MEGF10: variants seen among roughly 807,000 people sequenced by gnomAD.
MEGF10 encodes the protein multiple EGF like domains 10.
A neutral mutation model predicts 147.5 loss-of-function variants in MEGF10; 86 were observed. The ratio of observed to expected loss-of-function variants is 0.58; its 90% CI spans 0.49 to 0.70. MEGF10 has a LOEUF of 0.70. Among genes scored for constraint, MEGF10 ranks in the 30% least tolerant of loss-of-function variants. The probability of loss-of-function intolerance (pLI) is 0.00; values close to 1 mark genes in which losing one functional copy is unlikely to be tolerated. For synonymous variants in MEGF10, 478 were observed against 525.5 expected (o/e 0.91, Z 1.24); for missense variants, 1,329 against 1,487.3 (o/e 0.89, Z 1.75).
At chr5:127,426,133 A>C (rs1485279059) in intron 13 of MEGF10, among the ~76,000 whole-genome samples, 1 of 152,174 alleles carries the variant, frequency 6.6e-6, no homozygotes, top group Admixed American at 6.5e-5. Flanking sequence ...GACTAAATTG[A>C]GGAAGTCTCA....
intron 13 of MEGF10, 78 bp from the exon 14 acceptor site, chr5:127,433,285 G>A: frequency 6.3e-7 from 1 of 1,575,602 alleles, no homozygotes; most frequent in Non-Finnish European, 8.7e-7. Context: ...TGTGAGCTTA[G>A]TCCTCATCTA....
At chr5:127,412,344 T>C (rs1764604324) in intron 9 of MEGF10, among the ~76,000 whole-genome samples, 1 of 152,232 alleles carries the variant, frequency 6.6e-6, no homozygotes, top group Non-Finnish European at 1.5e-5. Context: ...GAATTAATCA[T>C]TGGAGCCATC....
intron 20 of MEGF10, among the ~76,000 whole-genome samples, chr5:127,446,006 G>C (rs1405631564): frequency 2.6e-5 from 4 of 152,172 alleles, no homozygotes; most frequent in African/African-American, 9.7e-5. Flanking sequence ...AGGGGGGTGA[G>C]GAGGAAGAGA....
At chr5:127,435,718 A>G (rs940147489) in intron 16 of MEGF10, among the ~76,000 whole-genome samples, 4 of 152,100 alleles carry the variant, frequency 2.6e-5, no homozygotes, top group African/African-American at 9.7e-5. Flanking sequence ...AAGAACCTAA[A>G]TATGTAACAT....
rs559154832 is a variant in MEGF10 at position 127,362,110 on chromosome 5, G to A, written c.320-7800G>A. Among the ~76,000 whole-genome samples the A allele has an allele frequency of 5.9e-4, 90 of 151,990 alleles. 1 individual carries two copies. The highest frequency in any genetic ancestry group is 2.1e-3 in the African/African-American group (88 of 41,492). On this transcript the variant is annotated intron_variant, in intron 4 of 24. Coordinates refer to ENST00000503335, the MANE Select transcript of MEGF10 (RefSeq NM_001256545.2). The stretch of plus-strand genomic sequence containing the variant: ...ATAGTTCTATCAATTATTAAGACTA[G>A]TTATTCAAATCTCCTGCTTTAATTG...
At chr5:127,252,609 GA>G in the MEGF10 span, among the ~76,000 whole-genome samples, 1 of 151,838 alleles carries the variant, frequency 6.6e-6, no homozygotes, top group Non-Finnish European at 1.5e-5. Context: ...GAGGGTGTAG[GA>G]AAAATAATGA....
the MEGF10 span, among the ~76,000 whole-genome samples, chr5:127,279,592 C>T: frequency 2.6e-5 from 4 of 152,126 alleles, no homozygotes; most frequent in Non-Finnish European, 5.9e-5. Context: ...TTCCTCCCAC[C>T]GCAGAAAACT....
At chr5:127,371,643 A>C (rs779535601) in intron 5 of MEGF10, among the ~76,000 whole-genome samples, 3 of 152,172 alleles carry the variant, frequency 2.0e-5, no homozygotes, top group Non-Finnish European at 2.9e-5. Context: ...ACCTCGAGCT[A>C]AGGGCTCAGA....
intron 7 of MEGF10, among the ~76,000 whole-genome samples, chr5:127,400,741 G>C (rs1430573533): frequency 6.6e-6 from 1 of 152,106 alleles, no homozygotes; most frequent in Non-Finnish European, 1.5e-5. Flanking sequence ...CACAGGCTTG[G>C]GTTATGAGTC....
chr5:127,246,678 A>C, the MEGF10 span, among the ~76,000 whole-genome samples: 1 of 150,466 alleles, frequency 6.6e-6, no homozygotes, highest in African/African-American at 2.4e-5. Context: ...TGTGAAACTA[A>C]GTGAAATTTA....
intron 1 of MEGF10, among the ~76,000 whole-genome samples, chr5:127,326,070 C>A (rs1761020346): frequency 6.6e-6 from 1 of 151,298 alleles, no homozygotes; most frequent in African/African-American, 2.4e-5. Context: ...TGCATGCCAC[C>A]AAGCCTGGCT....
At chr5:127,305,548 G>T (rs148483037) in intron 1 of MEGF10, among the ~76,000 whole-genome samples, 3 of 152,198 alleles carry the variant, frequency 2.0e-5, no homozygotes, top group African/African-American at 7.2e-5. Context: ...AGCTAAGCCA[G>T]ATGGTCCACT....
chr5:127,331,657 G>GTAA (rs918855678), intron 2 of MEGF10, among the ~76,000 whole-genome samples: 3 of 152,158 alleles, frequency 2.0e-5, no homozygotes, highest in Non-Finnish European at 4.4e-5. Context: ...AGGTGCAATT[G>GTAA]TAAGATTCAG....
intron 4 of MEGF10, among the ~76,000 whole-genome samples, chr5:127,353,832 G>C (rs1177326166): frequency 6.6e-6 from 1 of 152,242 alleles, no homozygotes; most frequent in Non-Finnish European, 1.5e-5. Context: ...TGGCTTGTAA[G>C]AAGGACAGAG....
chr5:127,439,219 G>T (rs889598044), intron 17 of MEGF10, among the ~76,000 whole-genome samples: 6 of 152,180 alleles, frequency 3.9e-5, no homozygotes, highest in African/African-American at 7.2e-5. Context: ...AGCATGATAG[G>T]ATATAGTGTG....
intron 1 of MEGF10, among the ~76,000 whole-genome samples, chr5:127,297,441 A>T (rs543448339): frequency 9.4e-5 from 14 of 149,366 alleles, no homozygotes; most frequent in Non-Finnish European, 1.3e-4. Flanking sequence ...CTCAACAATT[A>T]AAAAAAAAAC....
Position 127,417,688 on chromosome 5 carries a change from T to C in MEGF10, c.1181T>C (p.Leu394Pro), listed in dbSNP as rs748581784. 1.2e-6 allele frequency: 2 copies of C among 1,614,148 alleles called. No individual in the cohort carries two copies. Among genetic ancestry groups the C allele is most frequent in the East Asian group, 2.2e-5 (1 of 44,874 alleles). Reference sequence around the variant, plus strand: ...GCCTGCAAGCCGGGCTGGTCAGGACTCTACTGTAATGAGACATGTTCTCCT... The same window carrying C: ...GCCTGCAAGCCGGGCTGGTCAGGACCCTACTGTAATGAGACATGTTCTCCT... Reference protein sequence around the residue: ...ECACKPGWSGLYCNETCSPGF... With the variant: ...ECACKPGWSGPYCNETCSPGF... Residue 394 changes from leucine to proline, a missense_variant, in exon 10 of 25, where the codon CTC (leucine) becomes CCC (proline). Leu to Pro is a moderately conservative substitution (Grantham distance 98). Coordinates refer to ENST00000503335, the MANE Select transcript of MEGF10 (RefSeq NM_001256545.2).
In MEGF10 at chr5:127,435,442, G is replaced by T. The variant is rs1448285273; in HGVS notation, c.2057G>T (p.Arg686Ile). 2 of 1,614,070 alleles carry T rather than the reference G, an allele frequency of 1.2e-6. No individual in the cohort carries two copies. The highest frequency in any genetic ancestry group is 1.7e-5 in the Admixed American group (1 of 60,024). Residue 686 changes from arginine (R) to isoleucine (I), a missense_variant, in exon 16 of 25, where the codon AGA becomes ATA. Transcript: ENST00000503335. ...AACGGAACCTGTAACCCCATTGACA[G>T]ATCTTGTCAGTGTTACCCCGGTTGG... is the stretch of plus-strand genomic sequence containing the variant. ...TNNGTCNPID[R>I]SCQCYPGWIG...
the MEGF10 span, among the ~76,000 whole-genome samples, chr5:127,237,108 G>C: frequency 6.6e-6 from 1 of 152,148 alleles, no homozygotes; most frequent in African/African-American, 2.4e-5. Context: ...TGTGGAAGTG[G>C]GTCTTGTGAT....
Sources: allele counts gnomAD v4.1 joint callset (sites outside exome capture counted in the v4.1 genomes callset), GRCh38; gene constraint gnomAD v4.1.1; transcripts MANE v1.5; gene names NCBI Gene and HGNC (gene_info 2026-07-23, HGNC 2026-07-21).